OPLAH: variants seen among roughly 807,000 people sequenced by gnomAD.
OPLAH encodes 5-oxoprolinase, ATP-hydrolysing.
In OPLAH, 103 loss-of-function variants were observed where a neutral mutation model predicts 122.8. The observed-to-expected ratio is 0.84, with a 90% CI of 0.71 to 0.99. OPLAH has a LOEUF of 0.99. OPLAH is among the 50% of genes least tolerant of loss of function. The probability of loss-of-function intolerance (pLI) is 0.00; values close to 1 mark genes in which losing one functional copy is unlikely to be tolerated. For synonymous variants in OPLAH, 875 were observed against 796.0 expected, an observed-to-expected ratio of 1.10 and a Z score of -1.67; for missense variants, 1,902 against 1,836.5, an observed-to-expected ratio of 1.04 and a Z score of -0.65.
upstream of OPLAH, among the ~76,000 whole-genome samples, chr8:144,060,998 G>A (rs11986647): frequency 0.08 from 12,223 of 152,270 alleles, 540 homozygotes; most frequent in African/African-American, 0.12. Flanking sequence ...GCTTCCCACT[G>A]GCGGACGTCC....
chr8:144,051,981 A>G lies in OPLAH; in HGVS notation c.3557T>C (p.Phe1186Ser). Residue 1186 changes from phenylalanine (F) to serine (S), a missense_variant, in exon 25 of 27, where the codon TTT (phenylalanine) becomes TCT (serine). Phe to Ser is a radical substitution (Grantham distance 155). Around this residue, in one of 3 missense-constraint regions of OPLAH, gnomAD observed 1,726 missense variants for 1,642.1 expected, o/e 1.05. Coordinates refer to ENST00000618853, the MANE Select transcript of OPLAH (RefSeq NM_017570.5). ...CACTGACAGCAGCGCCTCCTCACGAAAGAGCAGCTCGCGGGTGACGCCGTC... is the reference window on the plus strand; with the variant it reads ...CACTGACAGCAGCGCCTCCTCACGAGAGAGCAGCTCGCGGGTGACGCCGTC... ...GGDGVTRELL[F>S]REEALLSVLT... is the part of the protein sequence containing the mutation. 6.3e-7 allele frequency: 1 copy of G among 1,581,774 alleles called. No homozygotes were observed. The highest frequency in any genetic ancestry group is 2.3e-5 in the East Asian group (1 of 43,860).
In OPLAH at chr8:144,058,048, G is replaced by A. The variant is rs148920455; in HGVS notation, c.1050C>T (p.Asn350=). The change falls in exon 8 of 27, where the codon AAC becomes AAT. Residue 350 remains asparagine (N), a synonymous_variant. Coordinates refer to ENST00000618853, the MANE Select transcript of OPLAH (RefSeq NM_017570.5). ...VTLQAPQLDI[N]TVAAGGGSRL... is the part of the protein sequence containing the mutation. ...GGGAACCCCCTCCCGCTGCCACGGT[G>A]TTGATGTCCAGCTGCGGGGCCTGGA... 2.8e-4 allele frequency: 449 copies of A among 1,612,558 alleles called. 7 individuals are homozygous for A. The African/African-American group carries it at 4.9e-3, about 18-fold the overall frequency.
chr8:144,052,664 C>A, intron 22 of OPLAH, 66 bp from the exon 23 acceptor site: 1 of 1,532,690 alleles, frequency 6.5e-7, no homozygotes, highest in Non-Finnish European at 8.8e-7. Context: ...CACCCCACCC[C>A]CCGCCCCAGC....
chr8:144,059,945 C>T lies in OPLAH; in HGVS notation c.88G>A (p.Val30Met), dbSNP rs782374729. Reference protein sequence around the residue: ...DVFAQCPGGHVRVLKLLSEDP... With the variant: ...DVFAQCPGGHMRVLKLLSEDP... ...TCTGAGAGCAGTTTTAAGACCCGCA[C>T]GTGCCCCCCTGGGCACTGGGCAAAG... The change falls in exon 2 of 27, where the codon GTG (valine) becomes ATG (methionine). Residue 30 changes from valine to methionine, a missense_variant. Val to Met is a conservative substitution (Grantham distance 21). Around this residue, in one of 3 missense-constraint regions of OPLAH, gnomAD observed 168 missense variants for 170.6 expected, o/e 0.98. Transcript: ENST00000618853. 6.2e-6 allele frequency: 10 copies of T among 1,612,688 alleles called. No individual in the cohort carries two copies. The highest frequency in any genetic ancestry group is 2.2e-5 in the East Asian group (1 of 44,902).
chr8:144,058,720 C>T (rs1554760124), intron 5 of OPLAH, 29 bp from the exon 6 acceptor site: 2 of 1,581,824 alleles, frequency 1.3e-6, no homozygotes, highest in Non-Finnish European at 1.7e-6. Context: ...GGCACCTCGT[C>T]TCCCACCAGG....
At chr8:144,054,983 GAGGGTGAGGGAGGGGGATGGA>G in intron 17 of OPLAH, 25 bp downstream of exon 17, 2 of 978,050 alleles carry the variant, frequency 2.0e-6, no homozygotes, top group South Asian at 2.0e-5. Flanking sequence ...GGGGGGGGTG[GAGGGTGAGGGAGGGGGATGGA>G]AGGGTGAGGC....
chr8:144,058,755 C>A lies in OPLAH; in HGVS notation c.587+18G>T. On this transcript the variant is annotated intron_variant, in intron 5 of 26. Coordinates refer to ENST00000618853, the MANE Select transcript of OPLAH (RefSeq NM_017570.5). ...GCCCGGCACCTGCTCCCGCAGCCCA[C>A]AGCCCCACCTCACTCACGTGTACGA... 6.3e-7 allele frequency: 1 copy of A among 1,586,370 alleles called. No individual in the cohort carries two copies.
intron 7 of OPLAH, 44 bp from the exon 8 acceptor site, chr8:144,058,192 G>C: frequency 6.2e-7 from 1 of 1,606,146 alleles, no homozygotes; most frequent in Non-Finnish European, 8.5e-7. Context: ...AGACCCAGGG[G>C]CCCAGCAGCT....
At chr8:144,050,596 T>G (rs1294254860), downstream of OPLAH, 1 of 985,466 alleles carries the variant, frequency 1.0e-6, no homozygotes, top group Admixed American at 6.1e-5. Flanking sequence ...CCCTGCCGGC[T>G]GGGCACGCGC....
chr8:144,051,664 C>T (rs1483319040), intron 26 of OPLAH, 65 bp downstream of exon 26: 1 of 1,379,006 alleles, frequency 7.3e-7, no homozygotes, highest in Admixed American at 2.0e-5. Flanking sequence ...AACTGTTCCC[C>T]CTCTGTGGGA....
At position 144,058,806 on chromosome 8, in the gene OPLAH, C is replaced by T. The variant is rs868953913; in HGVS notation, c.554G>A (p.Arg185His). The change falls in exon 5 of 27, where the codon CGC becomes CAC. Residue 185 changes from arginine (R) to histidine (H), a missense_variant. Arg to His is a conservative substitution (Grantham distance 29). Transcript: ENST00000618853. The part of the protein sequence containing the change: ...KLEGLLSRGI[R>H]SLAVVLMHSY... The stretch of plus-strand genomic sequence containing the variant: ...GTGCATGAGCACCACAGCCAGGCTG[C>T]GGATGCCTCGAGATAGCAGCCCCTC... The T allele has an allele frequency of 5.6e-6, 9 of 1,601,122 alleles. No individual in the cohort carries two copies. The highest frequency in any genetic ancestry group is 2.3e-5 in the East Asian group (1 of 44,064).
upstream of OPLAH, among the ~76,000 whole-genome samples, chr8:144,061,802 C>G (rs191611583): frequency 6.6e-5 from 10 of 152,308 alleles, no homozygotes; most frequent in East Asian, 1.9e-3. Context: ...GCGTGTGGAT[C>G]ATGAGGTCAA....
In OPLAH at chr8:144,057,709, G is replaced by A. The variant is rs1554759687; in HGVS notation, c.1161C>T (p.Gly387=). Residue 387 remains glycine, a synonymous_variant, in exon 10 of 27, where the codon GGC becomes GGT. Coordinates refer to ENST00000618853, the MANE Select transcript of OPLAH (RefSeq NM_017570.5). ...GATTAGCATCCGTCACTGTCACAGG[G>A]CCCCCTGGGAGGTGGACAGGGTGTG... The part of the protein sequence containing the change: ...HPGPACYRKG[G]PVTVTDANLV... The A allele has an allele frequency of 3.7e-6, 6 of 1,609,034 alleles. No homozygotes were observed. Among genetic ancestry groups the A allele is most frequent in the Non-Finnish European group, 5.1e-6 (6 of 1,177,902 alleles).
chr8:144,062,943 G>A (rs953020456), upstream of OPLAH, among the ~76,000 whole-genome samples: 10 of 151,516 alleles, frequency 6.6e-5, no homozygotes, highest in African/African-American at 2.2e-4. Context: ...TGCGCGTCTC[G>A]GGGGCAGACC....
chr8:144,050,707 A>T, downstream of OPLAH: 1 of 985,104 alleles, frequency 1.0e-6, no homozygotes, highest in South Asian at 4.7e-5. Flanking sequence ...TATCGTGCTT[A>T]GGGGGAGGGT....
rs374660106 is a variant in OPLAH, at chr8:144,058,045, G to T, written c.1053C>A (p.Thr351=). ...GGCGGGAACCCCCTCCCGCTGCCAC[G>T]GTGTTGATGTCCAGCTGCGGGGCCT... ...TLQAPQLDIN[T]VAAGGGSRLF... The change falls in exon 8 of 27, where the codon ACC becomes ACA. Residue 351 remains threonine, a synonymous_variant. Transcript: ENST00000618853. 6.2e-7 allele frequency: 1 copy of T among 1,612,492 alleles called. No individual in the cohort carries two copies. Among genetic ancestry groups the T allele is most frequent in the Admixed American group, 1.7e-5 (1 of 60,018 alleles).
At position 144,051,298 on chromosome 8, in the gene OPLAH, G is replaced by A. The variant is rs1554757568; in HGVS notation, c.*28C>T. On this transcript the variant is annotated 3_prime_UTR_variant, in exon 27 of 27. Coordinates refer to ENST00000618853, the MANE Select transcript of OPLAH (RefSeq NM_017570.5). ...CGTAGCTGCGTCCCCAGAACCGGGA[G>A]ACTTAAGGCATCTTTATTGCGGGAT... 12 of 1,609,720 alleles carry A rather than the reference G, an allele frequency of 7.5e-6. No individual in the cohort carries two copies. Among genetic ancestry groups the A allele is most frequent in the Admixed American group, 1.7e-5 (1 of 59,490 alleles).
rs781785809 is a variant in OPLAH, at chr8:144,051,950, G to A, written c.3588C>T (p.Thr1196=). The A allele has an allele frequency of 6.4e-7, 1 of 1,556,380 alleles. No homozygotes were observed. Among genetic ancestry groups the A allele is most frequent in the South Asian group, 1.2e-5 (1 of 86,924 alleles). Residue 1196 remains threonine, a synonymous_variant, in exon 25 of 27, where the codon ACC becomes ACT. Transcript: ENST00000618853. ...CGTATGGCCGGAAGGCGCGGCGCTC[G>A]GTCAGCACTGACAGCAGCGCCTCCT... is the stretch of plus-strand genomic sequence containing the variant. ...FREEALLSVL[T]ERRAFRPYGL... is the part of the protein sequence containing the mutation.
chr8:144,057,890 T>C lies in OPLAH; in HGVS notation c.1122A>G (p.Ala374=). 1.2e-6 allele frequency: 2 copies of C among 1,611,976 alleles called. No individual in the cohort carries two copies. Among genetic ancestry groups the C allele is most frequent in the Middle Eastern group, 1.7e-4 (1 of 6,058 alleles). Residue 374 remains alanine, a synonymous_variant, in exon 9 of 27, where the codon GCA becomes GCG. Coordinates refer to ENST00000618853, the MANE Select transcript of OPLAH (RefSeq NM_017570.5). ...AGCAGGCGGGTCCTGGGTGGGCTCC[T>C]GCTGACTCGGGCCCAACCACAAAGA... ...SGLFVVGPES[A]GAHPGPACYR... is the part of the protein sequence containing the mutation.
Sources: gnomAD v4.1 joint callset for allele counts (sites outside exome capture counted in the v4.1 genomes callset) on GRCh38, gnomAD v4.1.1 for gene constraint, gnomAD v4.1.1 regional missense constraint, MANE v1.5 for transcripts, NCBI Gene and HGNC (gene_info 2026-07-23, HGNC 2026-07-21) for gene names.